The following TENM3 variants were observed in gnomAD, a reference collection of about 807,000 sequenced individuals.
TENM3 encodes the protein teneurin transmembrane protein 3.
A neutral mutation model predicts 255.1 loss-of-function variants in TENM3; 63 were observed. The observed-to-expected ratio is 0.25, with a 90% CI of 0.20 to 0.30. TENM3 has a LOEUF of 0.30. Among genes scored for constraint, TENM3 ranks in the 10% least tolerant of loss-of-function variants. The pLI is 1.00. For missense variants in TENM3, 2,929 were observed against 3,461.1 expected, an observed-to-expected ratio of 0.85 and a Z score of 3.86; for synonymous variants, 1,306 against 1,322.3, an observed-to-expected ratio of 0.99 and a Z score of 0.27.
At chr4:181,987,524 C>T in the TENM3 span, among the ~76,000 whole-genome samples, 2 of 152,088 alleles carry the variant, frequency 1.3e-5, no homozygotes, top group Non-Finnish European at 2.9e-5. Context: ...ATCCATTTGG[C>T]CACAGGTTAC....
the TENM3 span, among the ~76,000 whole-genome samples, chr4:182,059,524 G>A: frequency 6.6e-6 from 1 of 151,704 alleles, no homozygotes; most frequent in East Asian, 1.9e-4. Context: ...TGGAAGGGAA[G>A]TTCCACTGAA....
At chr4:181,660,358 C>T in the TENM3 span, among the ~76,000 whole-genome samples, 64 of 152,152 alleles carry the variant, frequency 4.2e-4, 1 homozygote, top group Admixed American at 4.6e-4. Context: ...GCTCTATTGA[C>T]GGCATTACTG....
At chr4:182,423,034 A>G (rs1770952369) in intron 3 of TENM3, among the ~76,000 whole-genome samples, 2 of 152,140 alleles carry the variant, frequency 1.3e-5, no homozygotes, top group African/African-American at 4.8e-5. Flanking sequence ...TCTTTCTTCC[A>G]TTTACAAAAC....
chr4:181,697,702 C>T, the TENM3 span, among the ~76,000 whole-genome samples: 1 of 152,038 alleles, frequency 6.6e-6, no homozygotes, highest in Non-Finnish European at 1.5e-5. Context: ...CATTTCCTAG[C>T]TTTATAATGT....
chr4:182,199,499 G>A (rs753507392), intron 1 of TENM3, among the ~76,000 whole-genome samples: 1 of 152,102 alleles, frequency 6.6e-6, no homozygotes, highest in African/African-American at 2.4e-5. Context: ...ATCATTGGTG[G>A]TTAGCGAGGA....
chr4:182,512,142 G>A (rs1737468599), intron 3 of TENM3, among the ~76,000 whole-genome samples: 1 of 152,140 alleles, frequency 6.6e-6, no homozygotes, highest in African/African-American at 2.4e-5. Context: ...CTATTTTTCT[G>A]TCTTCCTTGA....
chr4:182,637,933 T>C (rs537403883), intron 5 of TENM3, among the ~76,000 whole-genome samples: 26 of 152,342 alleles, frequency 1.7e-4, no homozygotes, highest in Non-Finnish European at 3.1e-4. Context: ...TTCTAAGTGT[T>C]ACCACATAAA....
chr4:182,113,526 C>T, the TENM3 span, among the ~76,000 whole-genome samples: 1 of 152,096 alleles, frequency 6.6e-6, no homozygotes, highest in Non-Finnish European at 1.5e-5. Flanking sequence ...TGAATATATA[C>T]CAATGCATAT....
intron 2 of TENM3, among the ~76,000 whole-genome samples, chr4:182,346,078 TACA>T (rs1429207258): frequency 4.6e-5 from 7 of 151,684 alleles, no homozygotes; most frequent in African/African-American, 1.5e-4. Flanking sequence ...TATACATACA[TACA>T]TACATACATA....
At chr4:182,720,016 C>T (rs553503482) in intron 13 of TENM3, among the ~76,000 whole-genome samples, 8 of 152,098 alleles carry the variant, frequency 5.3e-5, no homozygotes, top group East Asian at 1.9e-4. Flanking sequence ...GAGCCATGAT[C>T]GCGCCACTGC....
intron 6 of TENM3, among the ~76,000 whole-genome samples, chr4:182,666,867 T>G (rs1235731254): frequency 6.6e-6 from 1 of 151,688 alleles, no homozygotes; most frequent in Non-Finnish European, 1.5e-5. Flanking sequence ...GCCACTGCAC[T>G]CCAGCCTGGG....
At chr4:182,115,091 G>C in the TENM3 span, among the ~76,000 whole-genome samples, 1 of 152,148 alleles carries the variant, frequency 6.6e-6, no homozygotes, top group Non-Finnish European at 1.5e-5. Flanking sequence ...TGAGGCAGAA[G>C]AATTGCCTGA....
At chr4:182,246,330 T>G (rs1209501412) in intron 1 of TENM3, among the ~76,000 whole-genome samples, 5 of 151,850 alleles carry the variant, frequency 3.3e-5, no homozygotes, top group Admixed American at 6.6e-5. Context: ...CGCTTATGAA[T>G]GAGATTCGCT....
At chr4:182,702,973 T>C (rs2152644616) in intron 12 of TENM3, among the ~76,000 whole-genome samples, 1 of 152,182 alleles carries the variant, frequency 6.6e-6, no homozygotes, top group South Asian at 2.1e-4. Flanking sequence ...CCTGACCTCG[T>C]GATCTGCCCG....
the TENM3 span, among the ~76,000 whole-genome samples, chr4:182,018,497 A>G: frequency 6.6e-6 from 1 of 152,216 alleles, no homozygotes; most frequent in Admixed American, 6.5e-5. Context: ...TAGGAAAACC[A>G]GCATTCTAAT....
intron 1 of TENM3, among the ~76,000 whole-genome samples, chr4:182,235,042 A>G (rs1756810116): frequency 6.6e-6 from 1 of 152,112 alleles, no homozygotes. Context: ...ACATAGAGGC[A>G]GTGAGGTGCT....
the TENM3 span, among the ~76,000 whole-genome samples, chr4:181,470,127 A>G: frequency 0.013 from 1,753 of 136,516 alleles, 57 homozygotes; most frequent in African/African-American, 0.03. Context: ...AAAAAAAAAC[A>G]TTATTCAAAA....
the TENM3 span, among the ~76,000 whole-genome samples, chr4:181,607,701 C>T: frequency 6.6e-6 from 1 of 152,126 alleles, no homozygotes; most frequent in Non-Finnish European, 1.5e-5. Context: ...CCGTGCCTGG[C>T]CATCATTTAA....
chr4:181,782,075 ATTC>A, the TENM3 span, among the ~76,000 whole-genome samples: 8 of 151,618 alleles, frequency 5.3e-5, no homozygotes, highest in African/African-American at 1.9e-4. Context: ...TTGGTCTAAA[ATTC>A]TTTTTTTTTT....
Sources: allele counts gnomAD v4.1 joint callset (sites outside exome capture counted in the v4.1 genomes callset), GRCh38; gene constraint gnomAD v4.1.1; transcripts MANE v1.5; gene names NCBI Gene and HGNC (gene_info 2026-07-23, HGNC 2026-07-21).